Variants in STX8 observed in about 807,000 individuals in gnomAD.
STX8 encodes the protein syntaxin-8.
In STX8, 23 loss-of-function variants were observed where a neutral mutation model predicts 37.5. The observed-to-expected ratio is 0.61, with a 90% confidence interval of 0.44 to 0.87. The LOEUF (loss-of-function observed/expected upper bound fraction) is 0.87. STX8 is among the 40% of genes least tolerant of loss of function. The pLI is 0.00. For missense variants in STX8, 313 were observed against 284.7 expected (o/e 1.10, Z -0.71); for synonymous variants, 115 against 99.1 (o/e 1.16, Z -0.95).
At chr17:9,319,453 TAAAGA>T (rs1909498418) in intron 7 of STX8, among the ~76,000 whole-genome samples, 1 of 151,282 alleles carries the variant, frequency 6.6e-6, no homozygotes, top group Admixed American at 6.6e-5. Context: ...AAACAAACAC[TAAAGA>T]AAAGAAAAAA....
chr17:9,428,293 G>T (rs886667187), intron 6 of STX8, among the ~76,000 whole-genome samples: 25 of 152,096 alleles, frequency 1.6e-4, no homozygotes, highest in Non-Finnish European at 2.8e-4. Flanking sequence ...CAGCCTGGTG[G>T]GCAGTGGCGC....
chr17:9,413,012 T>C (rs1426180005), intron 6 of STX8, among the ~76,000 whole-genome samples: 1 of 152,134 alleles, frequency 6.6e-6, no homozygotes, highest in East Asian at 1.9e-4. Flanking sequence ...CTGGACACTA[T>C]GTGTTAGGCA....
intron 2 of STX8, among the ~76,000 whole-genome samples, chr17:9,563,196 T>TATTG (rs1403579267): frequency 8.0e-6 from 1 of 125,628 alleles, no homozygotes; most frequent in African/African-American, 2.8e-5. Flanking sequence ...TTTATTTATT[T>TATTG]ATTGAGACAG....
At chr17:9,498,080 G>C (rs1904471558) in intron 5 of STX8, among the ~76,000 whole-genome samples, 1 of 152,088 alleles carries the variant, frequency 6.6e-6, no homozygotes, top group Admixed American at 6.6e-5. Context: ...AAGGAAGGTA[G>C]GAATGAAAGA....
At chr17:9,400,621 T>C (rs1289480038) in intron 6 of STX8, among the ~76,000 whole-genome samples, 1 of 151,900 alleles carries the variant, frequency 6.6e-6, no homozygotes, top group Non-Finnish European at 1.5e-5. Flanking sequence ...GTCAGGCTGG[T>C]CTCAAACTTC....
chr17:9,418,316 T>G (rs936411280), intron 6 of STX8, among the ~76,000 whole-genome samples: 3 of 152,020 alleles, frequency 2.0e-5, no homozygotes, highest in Non-Finnish European at 2.9e-5. Flanking sequence ...ACATCAGGCA[T>G]CAGGATTTTA....
intron 7 of STX8, among the ~76,000 whole-genome samples, chr17:9,371,665 C>T (rs924180348): frequency 9.4e-5 from 14 of 149,510 alleles, no homozygotes; most frequent in African/African-American, 2.9e-4. Context: ...TCTGGTTTGT[C>T]CTCTGGTTGA....
intron 7 of STX8, among the ~76,000 whole-genome samples, chr17:9,370,934 AACAGTATTGTTTTCT>A (rs1911383652): frequency 6.6e-6 from 1 of 151,962 alleles, no homozygotes; most frequent in African/African-American, 2.4e-5. Flanking sequence ...AAAAAAAAAA[AACAGTATTGTTTTCT>A]ACTTGATGCT....
intron 7 of STX8, among the ~76,000 whole-genome samples, chr17:9,317,173 T>C (rs1567781127): frequency 6.6e-6 from 1 of 151,888 alleles, no homozygotes; most frequent in Non-Finnish European, 1.5e-5. Context: ...TGAAGAGAAC[T>C]GAAAAAGAAC....
intron 7 of STX8, among the ~76,000 whole-genome samples, chr17:9,302,987 A>T (rs1908838967): frequency 7.7e-6 from 1 of 129,880 alleles, no homozygotes; most frequent in Admixed American, 7.4e-5. Flanking sequence ...TCTAATATAG[A>T]TTAAAAAAAA....
intron 6 of STX8, among the ~76,000 whole-genome samples, chr17:9,450,237 G>A (rs955682367): frequency 9.3e-5 from 14 of 150,638 alleles, no homozygotes; most frequent in Admixed American, 2.6e-4. Flanking sequence ...CACCACGCCC[G>A]GCTAATTTTT....
intron 6 of STX8, among the ~76,000 whole-genome samples, chr17:9,471,405 C>T (rs1489900086): frequency 6.6e-6 from 1 of 151,994 alleles, no homozygotes; most frequent in Non-Finnish European, 1.5e-5. Context: ...CCTACCTCGG[C>T]CTCCCAAAGT....
chr17:9,516,632 C>T (rs9905065), intron 4 of STX8, among the ~76,000 whole-genome samples: 151,933 of 152,146 alleles, frequency 1, 75,861 homozygotes, highest in Middle Eastern at 1. Flanking sequence ...GATGTACACC[C>T]GATTCTCTTT....
chr17:9,374,936 C>T lies in STX8; in HGVS notation c.643+3616G>A, dbSNP rs945784421. 7.3e-5 allele frequency among the ~76,000 whole-genome samples: 11 copies of T among 151,604 alleles called. No individual in the cohort carries two copies. The East Asian group carries it at 1.4e-3, about 19-fold the overall frequency. On this transcript the variant is annotated intron_variant, in intron 7 of 7. Coordinates refer to ENST00000306357, the MANE Select transcript of STX8 (RefSeq NM_004853.3). ...AAAATTAGCTGGGTGTGGTGGTGCACGCCTTAATCCCAGCTACTCAGGAGG... is the reference window on the plus strand; with the variant it reads ...AAAATTAGCTGGGTGTGGTGGTGCATGCCTTAATCCCAGCTACTCAGGAGG...
At chr17:9,325,666 A>G (rs2142210285) in intron 7 of STX8, among the ~76,000 whole-genome samples, 1 of 152,382 alleles carries the variant, frequency 6.6e-6, no homozygotes, top group South Asian at 2.1e-4. Context: ...GAGCTCAGGA[A>G]GGTTTCCATC....
At chr17:9,556,802 C>CATACATATATATAT (rs1906998417) in intron 3 of STX8, 1 of 95,014 alleles carries the variant, frequency 1.1e-5, no homozygotes, top group African/African-American at 3.8e-5. Flanking sequence ...TATACACATA[C>CATACATATATATAT]ATATATATAT....
intron 2 of STX8, among the ~76,000 whole-genome samples, chr17:9,564,206 C>T (rs1211834772): frequency 6.6e-6 from 1 of 151,958 alleles, no homozygotes; most frequent in African/African-American, 2.4e-5. Context: ...TCTGCTACCA[C>T]TCCTATTCAA....
intron 6 of STX8, among the ~76,000 whole-genome samples, chr17:9,388,527 G>C (rs1336695616): frequency 1.3e-5 from 2 of 151,126 alleles, no homozygotes; most frequent in Non-Finnish European, 2.9e-5. Flanking sequence ...CATTTTTTCG[G>C]GCGTGGTGGC....
chr17:9,380,648 A>G (rs1457640294), intron 6 of STX8, among the ~76,000 whole-genome samples: 2 of 151,308 alleles, frequency 1.3e-5, no homozygotes, highest in African/African-American at 2.4e-5. Flanking sequence ...TAAGTGGTAC[A>G]GTATTATAAT....
Sources: gnomAD v4.1 joint callset for allele counts (sites outside exome capture counted in the v4.1 genomes callset) on GRCh38, gnomAD v4.1.1 for gene constraint, MANE v1.5 for transcripts, NCBI Gene and HGNC (gene_info 2026-07-23, HGNC 2026-07-21) for gene names.